Variants in KL observed in about 807,000 individuals in gnomAD.
KL encodes the protein alpha-klotho.
In KL, 62 loss-of-function variants were observed where a neutral mutation model predicts 84.2. The observed-to-expected ratio is 0.74, with a 90% CI of 0.60 to 0.91. The LOEUF (loss-of-function observed/expected upper bound fraction) is 0.91. KL is among the 40% of genes least tolerant of loss of function. The pLI, the probability that KL is intolerant of heterozygous loss-of-function variation, is 0.00. For synonymous variants in KL, 528 were observed against 528.0 expected (o/e 1.00, Z 0.00); for missense variants, 1,261 against 1,305.7 (o/e 0.97, Z 0.53).
intron 2 of KL, 98 bp downstream of exon 2, chr13:33,054,375 A>G: frequency 1.6e-6 from 2 of 1,273,132 alleles, no homozygotes; most frequent in African/African-American, 1.5e-5. Context: ...ATATTTTTAA[A>G]TCCTAATGGA....
intron 1 of KL, among the ~76,000 whole-genome samples, chr13:33,052,050 G>A (rs1420170200): frequency 3.3e-5 from 5 of 152,154 alleles, no homozygotes; most frequent in Non-Finnish European, 2.9e-5. Flanking sequence ...TCCATCTCCT[G>A]GGCTCAAGTG....
At position 33,053,707 on chromosome 13, in the gene KL, A is replaced by ATTATAT. The variant is rs1871836127; in HGVS notation, c.820-58_820-53dup. ...TATAATCTGATTTGGGGATTCAAGTATTATATTGCATTTCTCCTCACAACT... is the reference window on the plus strand; with the variant it reads ...TATAATCTGATTTGGGGATTCAAGTATTATATTTATATTGCATTTCTCCTCACAACT... On this transcript the variant is annotated intron_variant, in intron 1 of 4. Coordinates refer to ENST00000380099, the MANE Select transcript of KL (RefSeq NM_004795.4). 31 of 1,482,852 alleles carry ATTATAT rather than the reference A, an allele frequency of 2.1e-5. 1 individual carries two copies. In the South Asian group the frequency reaches 3.2e-4, roughly 15 times the overall value. 91.9% of individuals were successfully genotyped at this position (1,482,852 alleles called of 1,614,324 possible).
intron 1 of KL, among the ~76,000 whole-genome samples, chr13:33,041,418 A>G (rs1285425848): frequency 6.8e-6 from 1 of 146,392 alleles, no homozygotes; most frequent in Non-Finnish European, 1.5e-5. Flanking sequence ...CAAAAACTGC[A>G]ATTACTTTGG....
intron 1 of KL, among the ~76,000 whole-genome samples, chr13:33,046,745 C>CTTTTTTTT (rs750467289): frequency 7.7e-6 from 1 of 129,064 alleles, no homozygotes. Flanking sequence ...TGAGATATAT[C>CTTTTTTTT]TTGTTTTTTT....
chr13:33,023,602 T>C (rs1234063001), intron 1 of KL, among the ~76,000 whole-genome samples: 1 of 152,238 alleles, frequency 6.6e-6, no homozygotes, highest in Non-Finnish European at 1.5e-5. Flanking sequence ...AAAAGATACA[T>C]ACTAAAGTTT....
intron 1 of KL, among the ~76,000 whole-genome samples, chr13:33,032,300 T>C (rs1415950868): frequency 6.6e-6 from 1 of 152,244 alleles, no homozygotes; most frequent in African/African-American, 2.4e-5. Flanking sequence ...TTAATTGCTT[T>C]AAATAACCAT....
chr13:33,054,920 A>C (rs1871896312), intron 2 of KL, 127 bp from the exon 3 acceptor site: 1 of 1,214,284 alleles, frequency 8.2e-7, no homozygotes, highest in African/African-American at 1.5e-5. Flanking sequence ...AAGAAAAATC[A>C]TTGGCTTACC....
At chr13:33,026,643 C>A (rs540834356) in intron 1 of KL, among the ~76,000 whole-genome samples, 3 of 152,210 alleles carry the variant, frequency 2.0e-5, no homozygotes, top group Non-Finnish European at 4.4e-5. Flanking sequence ...CACTCACTAT[C>A]TGGCCTCTGT....
intron 1 of KL, among the ~76,000 whole-genome samples, chr13:33,018,791 T>C (rs1870465654): frequency 6.6e-6 from 1 of 152,238 alleles, no homozygotes; most frequent in South Asian, 2.1e-4. Context: ...ATAAAATCTT[T>C]ACTTTAGATT....
chr13:33,054,073 A>G lies in KL; in HGVS notation c.1126A>G (p.Ser376Gly). 6.2e-7 allele frequency: 1 copy of G among 1,613,958 alleles called. No homozygotes were observed. Among genetic ancestry groups the G allele is most frequent in the Non-Finnish European group, 8.5e-7 (1 of 1,179,946 alleles). The change falls in exon 2 of 5, where the codon AGT becomes GGT. Residue 376 changes from serine to glycine, a missense_variant. Coordinates refer to ENST00000380099, the MANE Select transcript of KL (RefSeq NM_004795.4). Reference sequence around the variant, plus strand: ...TGCTCTTTGCTTTGGACCCACCTTGAGTTTTCAACTTTTGGACCCTCACAT... The same window carrying G: ...TGCTCTTTGCTTTGGACCCACCTTGGGTTTTCAACTTTTGGACCCTCACAT... ...FFALCFGPTL[S>G]FQLLDPHMKF...
At chr13:33,047,629 C>A (rs1871586960) in intron 1 of KL, among the ~76,000 whole-genome samples, 1 of 152,162 alleles carries the variant, frequency 6.6e-6, no homozygotes, top group Non-Finnish European at 1.5e-5. Flanking sequence ...CACCCAGCCC[C>A]TAAAATCTGC....
At chr13:33,023,920 G>A (rs1417558815) in intron 1 of KL, among the ~76,000 whole-genome samples, 4 of 152,158 alleles carry the variant, frequency 2.6e-5, no homozygotes, top group African/African-American at 9.7e-5. Flanking sequence ...TCTCCAGGAC[G>A]AACTCCTTAC....
intron 1 of KL, among the ~76,000 whole-genome samples, chr13:33,047,240 C>T (rs541003408): frequency 6.6e-6 from 1 of 152,100 alleles, no homozygotes; most frequent in Non-Finnish European, 1.5e-5. Flanking sequence ...TTAATGCTGT[C>T]CATTTGCATA....
At chr13:33,057,519 G>A (rs952113520) in intron 3 of KL, among the ~76,000 whole-genome samples, 1 of 152,134 alleles carries the variant, frequency 6.6e-6, no homozygotes, top group African/African-American at 2.4e-5. Flanking sequence ...TCTGACCTAA[G>A]GTCAGCCACT....
Position 33,055,377 on chromosome 13 carries a change from T to G in KL, c.1599+62T>G, listed in dbSNP as rs1324732599. The G allele has an allele frequency of 4.4e-6, 7 of 1,600,672 alleles. No individual in the cohort carries two copies. The South Asian group carries it at 7.7e-5, about 18-fold the overall frequency. On this transcript the variant is annotated intron_variant, in intron 3 of 4. Transcript: ENST00000380099. ...AAGCCCTATCACTAGTAAGTAGTGC[T>G]TCCTTCCTAGGCTGATTGTCATGGC...
intron 1 of KL, among the ~76,000 whole-genome samples, chr13:33,050,816 C>T (rs540185461): frequency 6.6e-6 from 1 of 152,332 alleles, no homozygotes; most frequent in Non-Finnish European, 1.5e-5. Flanking sequence ...GTAAAATAAT[C>T]AACTACTTAA....
At chr13:33,060,275 T>C (rs999919583) in intron 3 of KL, among the ~76,000 whole-genome samples, 1 of 152,246 alleles carries the variant, frequency 6.6e-6, no homozygotes, top group Non-Finnish European at 1.5e-5. Flanking sequence ...TTTTTCTTTT[T>C]TTCATCTAGT....
At chr13:33,057,992 A>G (rs973481573) in intron 3 of KL, among the ~76,000 whole-genome samples, 1 of 152,178 alleles carries the variant, frequency 6.6e-6, no homozygotes, top group Non-Finnish European at 1.5e-5. Flanking sequence ...CACCTGAACA[A>G]CTTGAAAAAT....
At chr13:33,051,101 AC>A (rs1469940921) in intron 1 of KL, among the ~76,000 whole-genome samples, 6 of 152,330 alleles carry the variant, frequency 3.9e-5, no homozygotes, top group African/African-American at 1.4e-4. Flanking sequence ...GAGAAGGGAT[AC>A]GCATTCATGG....
Sources: gnomAD v4.1 joint callset for allele counts (sites outside exome capture counted in the v4.1 genomes callset) on GRCh38, gnomAD v4.1.1 for gene constraint, MANE v1.5 for transcripts, NCBI Gene and HGNC (gene_info 2026-07-23, HGNC 2026-07-21) for gene names.